SLC39A7: variants seen among roughly 807,000 people sequenced by gnomAD.
The protein encoded by SLC39A7 is zinc transporter SLC39A7.
A neutral mutation model predicts 39.7 loss-of-function variants in SLC39A7; 25 were observed. The ratio of observed to expected loss-of-function variants is 0.63; its 90% CI spans 0.46 to 0.88. The LOEUF (loss-of-function observed/expected upper bound fraction) is 0.88, where lower values mean the gene tolerates loss of function less well. SLC39A7 is among the 40% of genes least tolerant of loss of function. The pLI is 0.00. For missense variants in SLC39A7, 501 were observed against 592.1 expected, an observed-to-expected ratio of 0.85 and a Z score of 1.60; for synonymous variants, 181 against 234.1, an observed-to-expected ratio of 0.77 and a Z score of 2.07.
chr6:33,201,572 C>G lies in SLC39A7; in HGVS notation c.327C>G (p.Asp109Glu). The G allele has an allele frequency of 1.2e-6, 2 of 1,614,066 alleles. No homozygotes were observed. The highest frequency in any genetic ancestry group is 1.7e-6 in the Non-Finnish European group (2 of 1,179,936). The change falls in exon 1 of 7, where the codon GAC becomes GAG. Residue 109 changes from aspartate (D) to glutamate (E), a missense_variant. Physicochemically the swap from Asp to Glu is conservative, Grantham distance 45 (BLOSUM62 2). Coordinates refer to ENST00000374677, the MANE Select transcript of SLC39A7 (RefSeq NM_006979.3). The surrounding 1 kb of genome is among the most constrained non-coding windows in gnomAD (Gnocchi z 5.9). The part of the protein sequence containing the change: ...ESLYHRGHGH[D>E]HEHSHGGYGE... ...TCTACCACAGAGGACATGGACATGA[C>G]CATGAGCATAGCCATGGAGGCTATG... is the stretch of plus-strand genomic sequence containing the variant.
rs1370140899 is a variant in SLC39A7 at position 33,202,426 on chromosome 6, A to C, written c.798A>C (p.Gln266His). The change falls in exon 4 of 7, where the codon CAA (glutamine) becomes CAC (histidine). Residue 266 changes from glutamine to histidine, a missense_variant and splice_region_variant. By Grantham distance (24) the Gln-to-His change is conservative (BLOSUM62 0). Coordinates refer to ENST00000374677, the MANE Select transcript of SLC39A7 (RefSeq NM_006979.3). The stretch of plus-strand genomic sequence containing the variant: ...GTGGAAGTCATGGACATGGAAGACA[A>C]GGTGAGCCCAGGAACAACTTTCCTG... ...HTRGSHGHGR[Q>H]ERSTKEKQSS... is the part of the protein sequence containing the mutation. 14 of 1,612,256 alleles carry C rather than the reference A, an allele frequency of 8.7e-6. No individual in the cohort carries two copies. The highest frequency in any genetic ancestry group is 1.2e-5 in the Non-Finnish European group (14 of 1,179,406).
rs1412674946 is a variant in SLC39A7 at position 33,201,029 on chromosome 6, A to G, written c.-217A>G. On this transcript the variant is annotated 5_prime_UTR_variant, in exon 1 of 7. Coordinates refer to ENST00000374677, the MANE Select transcript of SLC39A7 (RefSeq NM_006979.3). This position sits in a 1 kb window ranked among gnomAD's most constrained non-coding sequence, Gnocchi z 5.9. ...AGACGAGGGCCCAGAGAGTCTGTAA[A>G]GTGGCTGGTGAAAGATTAGTGTCCC... 1 of 757,072 alleles carries G rather than the reference A, an allele frequency of 1.3e-6. No homozygotes were observed. The highest frequency in any genetic ancestry group is 2.3e-6 in the Non-Finnish European group (1 of 428,238). The allele number at this position is 757,072 out of a possible 1,614,324, so 46.9% of individuals were successfully genotyped here. A position where few individuals can be genotyped will look rare whatever the true frequency, so the allele number is the denominator to read the frequency against.
At position 33,203,646 on chromosome 6, in the gene SLC39A7, G is replaced by C. The variant is rs760498913; in HGVS notation, c.1243G>C (p.Gly415Arg). The C allele has an allele frequency of 1.2e-6, 2 of 1,614,248 alleles. No individual in the cohort carries two copies. The highest frequency in any genetic ancestry group is 1.7e-6 in the Non-Finnish European group (2 of 1,180,042). Residue 415 changes from glycine (G) to arginine (R), a missense_variant, in exon 7 of 7, where the codon GGT becomes CGT. Physicochemically the swap from Gly to Arg is moderately radical, Grantham distance 125. Transcript: ENST00000374677. ...AVGSEIAGGAGPGWVLPFTAG... is the reference protein window; with the variant it reads ...AVGSEIAGGARPGWVLPFTAG... ...GGGCAGTGAAATTGCAGGTGGTGCA[G>C]GTCCTGGCTGGGTCCTGCCATTTAC...
In SLC39A7 at chr6:33,202,280, T is replaced by A; in HGVS notation, c.652T>A (p.Ser218Thr). The A allele has an allele frequency of 6.2e-7, 1 of 1,612,974 alleles. No individual in the cohort carries two copies. Among genetic ancestry groups the A allele is most frequent in the Non-Finnish European group, 8.5e-7 (1 of 1,179,984 alleles). The change falls in exon 4 of 7, where the codon TCT (serine) becomes ACT (threonine). Residue 218 changes from serine (S) to threonine (T), a missense_variant. Ser to Thr is a moderately conservative substitution (Grantham distance 58). Transcript: ENST00000374677. ...ATTCCCAGGCCAGGGCCCCATTCTG[T>A]CTGTGGGACTGTGGGTTCTCAGTGG... ...HSHSGQGPILSVGLWVLSGIV... is the reference protein window; with the variant it reads ...HSHSGQGPILTVGLWVLSGIV...
In SLC39A7 at chr6:33,202,597, A is replaced by C; in HGVS notation, c.837A>C (p.Glu279Asp). Reference sequence around the variant, plus strand: ...AGGAGAAGCAGAGCTCAGAGGAAGAAGAAAAGGAAACAAGAGGGGTTCAGA... The same window carrying C: ...AGGAGAAGCAGAGCTCAGAGGAAGACGAAAAGGAAACAAGAGGGGTTCAGA... ...STKEKQSSEE[E>D]EKETRGVQKR... The change falls in exon 5 of 7, where the codon GAA (glutamate) becomes GAC (aspartate). Residue 279 changes from glutamate to aspartate, a missense_variant. Physicochemically the swap from Glu to Asp is conservative, Grantham distance 45. Transcript: ENST00000374677. 8.1e-6 allele frequency: 13 copies of C among 1,610,418 alleles called. No homozygotes were observed. Among genetic ancestry groups the C allele is most frequent in the Non-Finnish European group, 1.1e-5 (13 of 1,179,324 alleles).
In SLC39A7 at chr6:33,201,058, G is replaced by T. The variant is rs531612315; in HGVS notation, c.-188G>T. Reference sequence around the variant, plus strand: ...GCTGGTGAAAGATTAGTGTCCCAGGGCCCTACATCCGGGAGGTGGTTCGGG... The same window carrying T: ...GCTGGTGAAAGATTAGTGTCCCAGGTCCCTACATCCGGGAGGTGGTTCGGG... On this transcript the variant is annotated 5_prime_UTR_variant, in exon 1 of 7. Transcript: ENST00000374677. The surrounding 1 kb of genome is among the most constrained non-coding windows in gnomAD (Gnocchi z 5.9). The T allele has an allele frequency of 1.3e-5, 10 of 762,872 alleles. No individual in the cohort carries two copies. In the African/African-American group the frequency reaches 1.7e-4, roughly 13 times the overall value. 47.3% of individuals were successfully genotyped at this position (762,872 alleles called of 1,614,324 possible).
At chr6:33,202,806 G>C in intron 5 of SLC39A7, 104 bp from the exon 6 acceptor site, 1 of 1,551,468 alleles carries the variant, frequency 6.4e-7, no homozygotes, top group South Asian at 1.2e-5. Flanking sequence ...CTAAAGGACT[G>C]GGTGTAAAGT....
At position 33,201,567 on chromosome 6, in the gene SLC39A7, C is replaced by T. The variant is rs1448955002; in HGVS notation, c.322C>T (p.His108Tyr). 3.7e-6 allele frequency: 6 copies of T among 1,614,126 alleles called. No individual in the cohort carries two copies. Among genetic ancestry groups the T allele is most frequent in the Non-Finnish European group, 5.1e-6 (6 of 1,179,976 alleles). The change falls in exon 1 of 7, where the codon CAT becomes TAT. Residue 108 changes from histidine to tyrosine, a missense_variant. His to Tyr is a moderately conservative substitution (Grantham distance 83). Coordinates refer to ENST00000374677, the MANE Select transcript of SLC39A7 (RefSeq NM_006979.3). This position sits in a 1 kb window ranked among gnomAD's most constrained non-coding sequence, Gnocchi z 5.9. ...HESLYHRGHG[H>Y]DHEHSHGGYG... ...GAGCCTCTACCACAGAGGACATGGA[C>T]ATGACCATGAGCATAGCCATGGAGG...
rs754333242 is a variant in SLC39A7, at chr6:33,201,201, G to A, written c.-45G>A. The A allele has an allele frequency of 8.9e-6, 14 of 1,565,050 alleles. No individual in the cohort carries two copies. Among genetic ancestry groups the A allele is most frequent in the Non-Finnish European group, 1.2e-5 (14 of 1,157,088 alleles). ...AAAGCGGACCCTGTGTAGGTATAGAGTTGAGTCAAGTGGAGTCACTGCCTC... is the reference window on the plus strand; with the variant it reads ...AAAGCGGACCCTGTGTAGGTATAGAATTGAGTCAAGTGGAGTCACTGCCTC... On this transcript the variant is annotated 5_prime_UTR_variant, in exon 1 of 7. Coordinates refer to ENST00000374677, the MANE Select transcript of SLC39A7 (RefSeq NM_006979.3). This position sits in a 1 kb window ranked among gnomAD's most constrained non-coding sequence, Gnocchi z 5.9.
intron 6 of SLC39A7, 24 bp from the exon 7 acceptor site, chr6:33,203,517 C>G: frequency 6.2e-7 from 1 of 1,613,204 alleles, no homozygotes; most frequent in South Asian, 1.1e-5. Flanking sequence ...TGGTGAGTGC[C>G]TTTTTCTCTT....
In SLC39A7 at chr6:33,202,447, T is replaced by A. The variant is rs1181963557; in HGVS notation, c.799+20T>A. The stretch of plus-strand genomic sequence containing the variant: ...GACAAGGTGAGCCCAGGAACAACTT[T>A]CCTGAAAGCTGACTTGCCTGCCTCA... On this transcript the variant is annotated intron_variant, in intron 4 of 6. Coordinates refer to ENST00000374677, the MANE Select transcript of SLC39A7 (RefSeq NM_006979.3). 6.2e-7 allele frequency: 1 copy of A among 1,610,284 alleles called. No individual in the cohort carries two copies. The highest frequency in any genetic ancestry group is 8.5e-7 in the Non-Finnish European group (1 of 1,178,038).
rs747170376 is a variant in SLC39A7, at chr6:33,201,458, C to G, written c.213C>G (p.Ile71Met). The change falls in exon 1 of 7, where the codon ATC (isoleucine) becomes ATG (methionine). Residue 71 changes from isoleucine to methionine, a missense_variant. Ile to Met is a conservative substitution (Grantham distance 10, BLOSUM62 1). Coordinates refer to ENST00000374677, the MANE Select transcript of SLC39A7 (RefSeq NM_006979.3). This position sits in a 1 kb window ranked among gnomAD's most constrained non-coding sequence, Gnocchi z 5.9. ...GCCATGGCCACACTCACGAGAGCAT[C>G]TGGCATGGACATACCCACGATCACG... ...AHGHGHTHES[I>M]WHGHTHDHDH... 4.3e-6 allele frequency: 7 copies of G among 1,614,006 alleles called. No individual in the cohort carries two copies. The highest frequency in any genetic ancestry group is 1.6e-4 in the Middle Eastern group (1 of 6,084).
chr6:33,202,273 C>T lies in SLC39A7; in HGVS notation c.645C>T (p.Pro215=), dbSNP rs768489343. 14 of 1,612,810 alleles carry T rather than the reference C, an allele frequency of 8.7e-6. No homozygotes were observed. Among genetic ancestry groups the T allele is most frequent in the Non-Finnish European group, 1.2e-5 (14 of 1,179,950 alleles). ...GHGHSHSGQG[P]ILSVGLWVLS... Reference sequence around the variant, plus strand: ...TGCCTCCATTCCCAGGCCAGGGCCCCATTCTGTCTGTGGGACTGTGGGTTC... The same window carrying T: ...TGCCTCCATTCCCAGGCCAGGGCCCTATTCTGTCTGTGGGACTGTGGGTTC... The change falls in exon 4 of 7, where the codon CCC becomes CCT. Residue 215 remains proline, a synonymous_variant. Transcript: ENST00000374677.
Position 33,203,974 on chromosome 6 carries a change from T to C in SLC39A7, c.*161T>C. The C allele has an allele frequency of 1.5e-6, 1 of 680,886 alleles. No individual in the cohort carries two copies. Among genetic ancestry groups the C allele is most frequent in the Non-Finnish European group, 2.5e-6 (1 of 397,770 alleles). The allele number at this position is 680,886 out of a possible 1,614,324, so 42.2% of individuals were successfully genotyped here. On this transcript the variant is annotated 3_prime_UTR_variant, in exon 7 of 7. Transcript: ENST00000374677. ...TAGGGCCTTCAAGGGCTGGCAGTCT[T>C]ACAGAGGCTGGAGCGGTGAGAATGA...
rs558361478 is a variant in SLC39A7, at chr6:33,204,211, G to A, written c.*398G>A. ...CCCACCAGTTGGTGGAGGCTTCAGG[G>A]AAGACCAGAGTCCTGGACAGAGAGG... On this transcript the variant is annotated 3_prime_UTR_variant, in exon 7 of 7. Coordinates refer to ENST00000374677, the MANE Select transcript of SLC39A7 (RefSeq NM_006979.3). 767 of 461,708 alleles carry A rather than the reference G, an allele frequency of 1.7e-3. 7 individuals carry two copies. Among genetic ancestry groups the A allele is most frequent in the African/African-American group, 0.014 (715 of 51,108 alleles). 28.6% of individuals were successfully genotyped at this position (461,708 alleles called of 1,614,324 possible).
At position 33,201,141 on chromosome 6, in the gene SLC39A7, G is replaced by A. The variant is rs1339900416; in HGVS notation, c.-105G>A. On this transcript the variant is annotated 5_prime_UTR_variant, in exon 1 of 7. Transcript: ENST00000374677. This position sits in a 1 kb window ranked among gnomAD's most constrained non-coding sequence, Gnocchi z 5.9. ...TGGGAACTTAAGGGAATGGGAGAGC[G>A]GCCCATAGAGGTGGACGGAGGGCGC... is the stretch of plus-strand genomic sequence containing the variant. 1.6e-5 allele frequency: 17 copies of A among 1,084,012 alleles called. No individual in the cohort carries two copies. The highest frequency in any genetic ancestry group is 2.2e-5 in the Non-Finnish European group (16 of 740,532). 67.1% of individuals were successfully genotyped at this position (1,084,012 alleles called of 1,614,324 possible). A position where few individuals can be genotyped will look rare whatever the true frequency, so the allele number is the denominator to read the frequency against.
In SLC39A7 at chr6:33,202,372, T is replaced by C. The variant is rs113198103; in HGVS notation, c.744T>C (p.His248=). 10,607 of 1,612,740 alleles carry C rather than the reference T, an allele frequency of 6.6e-3. 67 individuals are homozygous for C. The highest frequency in any genetic ancestry group is 7.8e-3 in the East Asian group (351 of 44,864). ...TGAAAGGAGGACATGGTCACAGTCA[T>C]GGACATGGACACGCTCACAGTCATA... The part of the protein sequence containing the change: ...RHVKGGHGHS[H]GHGHAHSHTR... Residue 248 remains histidine, a synonymous_variant, in exon 4 of 7, where the codon CAT becomes CAC. Transcript: ENST00000374677.
In SLC39A7 at chr6:33,204,122, C is replaced by G. The variant is rs1032616484; in HGVS notation, c.*309C>G. 8 of 538,482 alleles carry G rather than the reference C, an allele frequency of 1.5e-5. No homozygotes were observed. In the African/African-American group the frequency reaches 1.5e-4, roughly 10 times the overall value. The allele number at this position is 538,482 out of a possible 1,614,324, so 33.4% of individuals were successfully genotyped here. Reference sequence around the variant, plus strand: ...TGGCAGCCTACCTGGTGTCCCCTACCCCACCTGTTCTCGGAGAACCAAGTT... The same window carrying G: ...TGGCAGCCTACCTGGTGTCCCCTACGCCACCTGTTCTCGGAGAACCAAGTT... On this transcript the variant is annotated 3_prime_UTR_variant, in exon 7 of 7. Transcript: ENST00000374677.
chr6:33,202,378 T>C lies in SLC39A7; in HGVS notation c.750T>C (p.His250=), dbSNP rs1774665950. ...GAGGACATGGTCACAGTCATGGACATGGACACGCTCACAGTCATACACGTG... is the reference window on the plus strand; with the variant it reads ...GAGGACATGGTCACAGTCATGGACACGGACACGCTCACAGTCATACACGTG... ...VKGGHGHSHG[H]GHAHSHTRGS... is the part of the protein sequence containing the mutation. The change falls in exon 4 of 7, where the codon CAT becomes CAC. Residue 250 remains histidine, a synonymous_variant. Coordinates refer to ENST00000374677, the MANE Select transcript of SLC39A7 (RefSeq NM_006979.3). The C allele has an allele frequency of 1.9e-6, 3 of 1,612,684 alleles. No homozygotes were observed. The highest frequency in any genetic ancestry group is 2.7e-5 in the African/African-American group (2 of 74,896).
Sources: gnomAD v4.1 joint callset for allele counts on GRCh38, gnomAD v4.1.1 for gene constraint, Gnocchi (gnomAD v3.1) non-coding constraint, MANE v1.5 for transcripts, NCBI Gene and HGNC (gene_info 2026-07-23, HGNC 2026-07-21) for gene names.